Variants in HP1BP3 observed in about 807,000 individuals in gnomAD.
HP1BP3 encodes the protein heterochromatin protein 1 binding protein 3, also known as heterochromatin protein 1-binding protein 3.
A neutral mutation model predicts 62.5 loss-of-function variants in HP1BP3; 12 were observed. That is an observed-to-expected ratio of 0.19 (90% confidence interval 0.12 to 0.31). The LOEUF (loss-of-function observed/expected upper bound fraction) is 0.31, where lower values mean the gene tolerates loss of function less well. HP1BP3 is among the 10% of genes least tolerant of loss of function. HP1BP3 has a pLI of 1.00. For missense variants in HP1BP3, 502 were observed against 651.8 expected (o/e 0.77, Z 2.50); for synonymous variants, 260 against 237.8 (o/e 1.09, Z -0.86).
chr1:20,755,806 C>T (rs1478153207), intron 9 of HP1BP3, among the ~76,000 whole-genome samples: 2 of 151,962 alleles, frequency 1.3e-5, no homozygotes, highest in Non-Finnish European at 2.9e-5. Context: ...TACTATTGGA[C>T]AATAAAAAAG....
chr1:20,750,320 AAAACACACACACACACACACAC>A (rs2055635288), intron 9 of HP1BP3: 1 of 92,682 alleles, frequency 1.1e-5, no homozygotes. Context: ...GTCTCTACTA[AAAACACACACACACACACACAC>A]ACACACACAC....
At chr1:20,749,948 C>T (rs757600690) in intron 9 of HP1BP3, 66 bp from the exon 10 acceptor site, 3 of 1,556,960 alleles carry the variant, frequency 1.9e-6, no homozygotes, top group Non-Finnish European at 2.6e-6. Flanking sequence ...CAAGACAAGA[C>T]TCCTCTGCAC....
chr1:20,765,951 C>T (rs1378035585), intron 7 of HP1BP3, among the ~76,000 whole-genome samples: 2 of 140,032 alleles, frequency 1.4e-5, no homozygotes, highest in Non-Finnish European at 3.0e-5. Flanking sequence ...GGTGACAGAA[C>T]GAGACTCCGT....
intron 3 of HP1BP3, among the ~76,000 whole-genome samples, chr1:20,777,682 T>C (rs2154541340): frequency 6.6e-6 from 1 of 152,184 alleles, no homozygotes; most frequent in East Asian, 1.9e-4. Flanking sequence ...ATGGTCTCGA[T>C]CTCCTGACCT....
chr1:20,773,068 T>G (rs1210254452), intron 5 of HP1BP3, among the ~76,000 whole-genome samples: 1 of 152,210 alleles, frequency 6.6e-6, no homozygotes, highest in Non-Finnish European at 1.5e-5. Context: ...ATTAGATTTA[T>G]AAGGGCAAGG....
intron 1 of HP1BP3, among the ~76,000 whole-genome samples, chr1:20,781,713 G>A (rs1443093238): frequency 2.6e-5 from 4 of 152,020 alleles, no homozygotes; most frequent in African/African-American, 9.7e-5. Flanking sequence ...TGCAACCTCC[G>A]CCTCCTTGGT....
intron 1 of HP1BP3, among the ~76,000 whole-genome samples, chr1:20,783,203 A>G (rs1036716473): frequency 1.3e-5 from 2 of 152,120 alleles, no homozygotes; most frequent in Admixed American, 6.6e-5. Flanking sequence ...AACACTTAAA[A>G]CCCAGTTATT....
rs1328540868 is a variant in HP1BP3, at chr1:20,752,710, T to TGTTTTAAAGTACATAG, written c.982-2829_982-2828insCTATGTACTTTAAAAC. ...GTGGTTATTGTCTTCTTTACTGCTA[T>TGTTTTAAAGTACATAG]GTACTTATGGTTTAAAAAAAAGAGC... is the stretch of plus-strand genomic sequence containing the variant. On this transcript the variant is annotated intron_variant, in intron 9 of 12. Coordinates refer to ENST00000438032, the MANE Select transcript of HP1BP3 (RefSeq NM_001372052.1). Among the ~76,000 whole-genome samples the TGTTTTAAAGTACATAG allele has an allele frequency of 1.2e-4, 19 of 152,364 alleles. No individual in the cohort carries two copies. In the South Asian group the frequency reaches 3.9e-3, roughly 32 times the overall value.
Position 20,773,434 on chromosome 1 carries a change from T to C in HP1BP3, c.510+17A>G. ...ACATAATAAATCTAAGATGAATTGC[T>C]TGAAATAAAAACTTGCCTTAATGGC... On this transcript the variant is annotated intron_variant, in intron 5 of 12. Coordinates refer to ENST00000438032, the MANE Select transcript of HP1BP3 (RefSeq NM_001372052.1). 1.3e-6 allele frequency: 2 copies of C among 1,583,308 alleles called. No individual in the cohort carries two copies.
At chr1:20,770,040 G>A (rs2056983240) in intron 6 of HP1BP3, among the ~76,000 whole-genome samples, 1 of 152,184 alleles carries the variant, frequency 6.6e-6, no homozygotes, top group African/African-American at 2.4e-5. Flanking sequence ...CCTCTGAAGA[G>A]GGTAACATAA....
chr1:20,752,018 G>A (rs142791317), intron 9 of HP1BP3, among the ~76,000 whole-genome samples: 4,243 of 152,120 alleles, frequency 0.028, 90 homozygotes, highest in Middle Eastern at 0.048. Flanking sequence ...CCAGCACTTT[G>A]GGAGGCTGAG....
chr1:20,767,778 G>GAAAAA, intron 6 of HP1BP3, 114 bp from the exon 7 acceptor site: 1 of 478,284 alleles, frequency 2.1e-6, no homozygotes, highest in Non-Finnish European at 3.6e-6. Flanking sequence ...CTTCTTCAGA[G>GAAAAA]AAAAAAAAAA....
At chr1:20,761,212 T>C (rs141039527) in intron 8 of HP1BP3, among the ~76,000 whole-genome samples, 154 of 151,958 alleles carry the variant, frequency 1.0e-3, no homozygotes, top group African/African-American at 3.4e-3. Flanking sequence ...GCATGGCTAA[T>C]TTTTTTGTAT....
At chr1:20,773,733 G>A in intron 4 of HP1BP3, 123 bp from the exon 5 acceptor site, 1 of 647,058 alleles carries the variant, frequency 1.5e-6, no homozygotes, top group East Asian at 3.2e-5. Flanking sequence ...AGGCTAAGAT[G>A]ACATGTACCA....
chr1:20,755,851 A>T (rs2056073137), intron 9 of HP1BP3, among the ~76,000 whole-genome samples: 1 of 152,222 alleles, frequency 6.6e-6, no homozygotes, highest in Admixed American at 6.5e-5. Context: ...AACGTGGATA[A>T]AATTCAAAAA....
At chr1:20,779,711 G>GAAAA (rs200327876) in intron 3 of HP1BP3, 101 bp downstream of exon 3, 1,327 of 491,876 alleles carry the variant, frequency 2.7e-3, no homozygotes, top group South Asian at 4.1e-3. Flanking sequence ...ACTTAGCCAT[G>GAAAA]AAAAAAAAAA....
In HP1BP3 at chr1:20,741,677, A is replaced by C. The variant is rs1410479055; in HGVS notation, c.*3120T>G. On this transcript the variant is annotated 3_prime_UTR_variant, in exon 13 of 13. Transcript: ENST00000438032. ...TCCTTCCTCATTTTGTAGGTTAAGA[A>C]GCCAACAATCTCTCTCCCAGCACTT... Among the ~76,000 whole-genome samples, 3 of 152,232 alleles carry C rather than the reference A, an allele frequency of 2.0e-5. No homozygotes were observed.
chr1:20,772,795 A>G (rs2057118167), intron 5 of HP1BP3, among the ~76,000 whole-genome samples: 1 of 152,252 alleles, frequency 6.6e-6, no homozygotes, highest in African/African-American at 2.4e-5. Flanking sequence ...AGACTTATAC[A>G]ATAAAGGCAA....
chr1:20,783,309 A>T (rs1007729496), intron 1 of HP1BP3, among the ~76,000 whole-genome samples: 1 of 152,140 alleles, frequency 6.6e-6, no homozygotes, highest in African/African-American at 2.4e-5. Context: ...ACCTGAGGTC[A>T]GGAGTCCGAG....
Sources: allele counts gnomAD v4.1 joint callset (sites outside exome capture counted in the v4.1 genomes callset), GRCh38; gene constraint gnomAD v4.1.1; transcripts MANE v1.5; gene names NCBI Gene and HGNC (gene_info 2026-07-23, HGNC 2026-07-21).